Variants in PRIMA1 observed in about 807,000 individuals in gnomAD.
The protein encoded by PRIMA1 is proline-rich membrane anchor 1.
PRIMA1 carries 7 observed loss-of-function variants against 17.5 expected under a neutral mutation model. The observed-to-expected ratio is 0.40, with a 90% confidence interval of 0.23 to 0.75. The LOEUF (loss-of-function observed/expected upper bound fraction) is 0.75, where lower values mean the gene tolerates loss of function less well. Ranked by LOEUF, PRIMA1 falls within the 30% of genes least tolerant of loss-of-function variation. The pLI is 0.37. For missense variants in PRIMA1, 200 were observed against 201.8 expected (o/e 0.99, Z 0.05); for synonymous variants, 97 against 77.9 (o/e 1.25, Z -1.29).
chr14:93,737,773 C>T (rs530962388), intron 3 of PRIMA1, among the ~76,000 whole-genome samples: 3 of 152,234 alleles, frequency 2.0e-5, no homozygotes, highest in African/African-American at 7.2e-5. Context: ...GGCCTCTGAG[C>T]GCCTCCATCC....
At chr14:93,722,572 T>TCA (rs2076046654) in intron 4 of PRIMA1, among the ~76,000 whole-genome samples, 1 of 144,162 alleles carries the variant, frequency 6.9e-6, no homozygotes, top group Non-Finnish European at 1.6e-5. Context: ...GTGTTGAAGG[T>TCA]TAAAATGCTG....
intron 3 of PRIMA1, among the ~76,000 whole-genome samples, chr14:93,771,771 C>T (rs956351857): frequency 3.3e-5 from 5 of 152,080 alleles, no homozygotes; most frequent in Admixed American, 2.0e-4. Flanking sequence ...GGTTCTACTT[C>T]GAAGGGGAGG....
At chr14:93,751,486 G>A (rs2076259130) in intron 3 of PRIMA1, among the ~76,000 whole-genome samples, 1 of 152,214 alleles carries the variant, frequency 6.6e-6, no homozygotes, top group African/African-American at 2.4e-5. Context: ...CCCCAGACAT[G>A]AGGTTACCAA....
rs192847906 is a variant in PRIMA1, at chr14:93,781,951, C to T, written c.94-2640G>A. ...TCATGCCACTGCACTCCAGCCTAGG[C>T]GACAGAGCAAAACTCCAGTCTCAAA... On this transcript the variant is annotated intron_variant, in intron 2 of 4. Transcript: ENST00000393140. 6.6e-5 allele frequency among the ~76,000 whole-genome samples: 10 copies of T among 151,458 alleles called. No homozygotes were observed. The East Asian group carries it at 7.8e-4, about 12-fold the overall frequency.
intron 3 of PRIMA1, among the ~76,000 whole-genome samples, chr14:93,761,567 C>T (rs769356537): frequency 6.6e-6 from 1 of 152,108 alleles, no homozygotes; most frequent in Non-Finnish European, 1.5e-5. Flanking sequence ...TGCTATTCCT[C>T]GTCTTCAAGG....
intron 3 of PRIMA1, among the ~76,000 whole-genome samples, chr14:93,747,886 G>A (rs1339990028): frequency 7.1e-6 from 1 of 140,470 alleles, no homozygotes; most frequent in Non-Finnish European, 1.5e-5. Context: ...GAGTGGGAGA[G>A]TGTGTGTATG....
intron 3 of PRIMA1, among the ~76,000 whole-genome samples, chr14:93,772,381 G>A (rs1010882394): frequency 6.6e-6 from 1 of 152,266 alleles, no homozygotes; most frequent in Non-Finnish European, 1.5e-5. Context: ...GCAGGCTCAC[G>A]CCTCTGTTCT....
chr14:93,746,627 C>A (rs1000687281), intron 3 of PRIMA1, among the ~76,000 whole-genome samples: 1 of 152,000 alleles, frequency 6.6e-6, no homozygotes, highest in Non-Finnish European at 1.5e-5. Context: ...GAATTCTGAC[C>A]TACAGGTCAG....
At chr14:93,780,794 G>A (rs770362278) in intron 2 of PRIMA1, among the ~76,000 whole-genome samples, 68 of 152,210 alleles carry the variant, frequency 4.5e-4, no homozygotes, top group African/African-American at 1.5e-3. Context: ...ATAAATCCAA[G>A]AGTCTGGTGT....
At chr14:93,775,395 C>G (rs1190508273) in intron 3 of PRIMA1, among the ~76,000 whole-genome samples, 1 of 152,238 alleles carries the variant, frequency 6.6e-6, no homozygotes, top group Admixed American at 6.5e-5. Flanking sequence ...TGAGTGAGAG[C>G]TGAGGCTCCA....
intron 3 of PRIMA1, among the ~76,000 whole-genome samples, chr14:93,763,043 T>C (rs999882636): frequency 4.6e-5 from 7 of 152,156 alleles, no homozygotes; most frequent in Non-Finnish European, 8.8e-5. Flanking sequence ...CTTTTTCCCA[T>C]AGCACTTGCT....
Position 93,726,515 on chromosome 14 carries a change from C to G in PRIMA1, c.360-4969G>C, listed in dbSNP as rs2076077047. On this transcript the variant is annotated intron_variant, in intron 4 of 4. Transcript: ENST00000393140. The surrounding 1 kb of genome is among the most constrained non-coding windows in gnomAD (Gnocchi z 4.2). ...TACACACACATGAACCTGCGTAACA[C>G]ACACAGGCACGTACACATAGACACA... is the stretch of plus-strand genomic sequence containing the variant. Among the ~76,000 whole-genome samples, 1 of 152,098 alleles carries G rather than the reference C, an allele frequency of 6.6e-6. No homozygotes were observed. The highest frequency in any genetic ancestry group is 2.1e-4 in the South Asian group (1 of 4,826).
At chr14:93,723,212 C>A (rs1214470376) in intron 4 of PRIMA1, among the ~76,000 whole-genome samples, 2 of 152,190 alleles carry the variant, frequency 1.3e-5, no homozygotes, top group African/African-American at 4.8e-5. Context: ...AGCCCAGCCC[C>A]CTCCAGGGTT....
intron 2 of PRIMA1, among the ~76,000 whole-genome samples, 170 bp downstream of exon 2, chr14:93,787,456 A>G (rs1300874075): frequency 2.0e-5 from 3 of 152,092 alleles, no homozygotes; most frequent in African/African-American, 7.2e-5. Flanking sequence ...GGAGTTTCTT[A>G]TCTTTTCAGG....
intron 3 of PRIMA1, among the ~76,000 whole-genome samples, chr14:93,750,960 G>A (rs1330889726): frequency 6.6e-6 from 1 of 152,134 alleles, no homozygotes; most frequent in Non-Finnish European, 1.5e-5. Flanking sequence ...TTTGGATCCT[G>A]ACTTGGCCAC....
intron 2 of PRIMA1, among the ~76,000 whole-genome samples, chr14:93,782,772 G>C (rs1362194599): frequency 6.6e-6 from 1 of 152,220 alleles, no homozygotes; most frequent in African/African-American, 2.4e-5. Context: ...CCCCACTGCA[G>C]TGTCCTGATA....
At chr14:93,754,901 A>T (rs1441718955) in intron 3 of PRIMA1, among the ~76,000 whole-genome samples, 1 of 152,178 alleles carries the variant, frequency 6.6e-6, no homozygotes, top group Admixed American at 6.5e-5. Context: ...GAAACCAGCC[A>T]CGTCCACCTG....
At chr14:93,747,011 C>T (rs923006955) in intron 3 of PRIMA1, among the ~76,000 whole-genome samples, 3 of 152,146 alleles carry the variant, frequency 2.0e-5, no homozygotes, top group African/African-American at 7.2e-5. Context: ...CAGCTGGGGC[C>T]GGACTCTGCG....
chr14:93,766,215 C>T (rs543946630), intron 3 of PRIMA1, among the ~76,000 whole-genome samples: 1 of 152,332 alleles, frequency 6.6e-6, no homozygotes, highest in African/African-American at 2.4e-5. Flanking sequence ...AACATGTCCT[C>T]AAAGCACCCT....
Sources: gnomAD v4.1 joint callset for allele counts (sites outside exome capture counted in the v4.1 genomes callset) on GRCh38, gnomAD v4.1.1 for gene constraint, Gnocchi (gnomAD v3.1) non-coding constraint, MANE v1.5 for transcripts, NCBI Gene and HGNC (gene_info 2026-07-23, HGNC 2026-07-21) for gene names.